The following INSRR variants were observed in gnomAD, a reference collection of about 807,000 sequenced individuals.
The protein encoded by INSRR is insulin receptor-related protein.
Under a neutral mutation model 130.0 loss-of-function variants are expected in INSRR, and 114 were observed. The observed-to-expected ratio is 0.88, with a 90% CI of 0.75 to 1.02. INSRR has a LOEUF of 1.02. Ranked by LOEUF, INSRR falls within the 50% of genes least tolerant of loss-of-function variation. INSRR has a pLI of 0.00. For missense variants in INSRR, 1,657 were observed against 1,735.2 expected (o/e 0.95, Z 0.80); for synonymous variants, 674 against 705.2 (o/e 0.96, Z 0.70).
intron 5 of INSRR, among the ~76,000 whole-genome samples, chr1:156,850,846 C>G (rs754333668): frequency 6.6e-6 from 1 of 152,152 alleles, no homozygotes; most frequent in Non-Finnish European, 1.5e-5. Context: ...TGTGAGCCAC[C>G]GTGCCTGGCT....
In INSRR at chr1:156,844,600, G is replaced by A. The variant is rs747426217; in HGVS notation, c.2599C>T (p.Arg867Cys). The A allele has an allele frequency of 1.9e-6, 3 of 1,614,186 alleles. No homozygotes were observed. The highest frequency in any genetic ancestry group is 1.3e-5 in the African/African-American group (1 of 75,054). ...GEEATVLCVS[R>C]LRYAKFGGVH... ...CCCCCAAACTTCGCATATCGAAGACGGGACACACACAGCACTGTGGCCTCC... is the reference window on the plus strand; with the variant it reads ...CCCCCAAACTTCGCATATCGAAGACAGGACACACACAGCACTGTGGCCTCC... Residue 867 changes from arginine (R) to cysteine (C), a missense_variant, in exon 14 of 22, where the codon CGT becomes TGT. Transcript: ENST00000368195.
intron 12 of INSRR, 51 bp downstream of exon 12, chr1:156,845,025 G>A: frequency 6.4e-7 from 1 of 1,558,472 alleles, no homozygotes; most frequent in Non-Finnish European, 8.7e-7. Flanking sequence ...CTTTGCACAG[G>A]GTCCTTGGGG....
At position 156,849,256 on chromosome 1, in the gene INSRR, G is replaced by A; in HGVS notation, c.1434C>T (p.Asp478=). The A allele has an allele frequency of 6.2e-7, 1 of 1,613,846 alleles. No homozygotes were observed. The highest frequency in any genetic ancestry group is 8.5e-7 in the Non-Finnish European group (1 of 1,180,014). The part of the protein sequence containing the change: ...KAEINPRTNG[D]RAACQTRTLR... ...GGGTTGGGGTCTCACAGGCGGCGCG[G>A]TCTCCGTTGGTGCGGGGGTTGATCT... The change falls in exon 6 of 22, where the codon GAC becomes GAT. Residue 478 remains aspartate (D), a synonymous_variant. Transcript: ENST00000368195.
At chr1:156,844,955 G>A (rs1286680490) in intron 12 of INSRR, 112 bp from the exon 13 acceptor site, 34 of 1,551,182 alleles carry the variant, frequency 2.2e-5, no homozygotes, top group Non-Finnish European at 3.0e-5. Flanking sequence ...TGGGATTATG[G>A]GAACTGAGAG....
chr1:156,841,049 T>A lies in INSRR; in HGVS notation c.3718A>T (p.Thr1240Ser). The A allele has an allele frequency of 6.3e-7, 1 of 1,593,104 alleles. No individual in the cohort carries two copies. The highest frequency in any genetic ancestry group is 8.6e-7 in the Non-Finnish European group (1 of 1,169,264). ...QPNPRLRPSF[T>S]HILDSIQEEL... ...TCCTGTATGCTGTCCAGAATGTGTGTGAAAGATGGGCGCAGGCGTGGGTTC... is the reference window on the plus strand; with the variant it reads ...TCCTGTATGCTGTCCAGAATGTGTGAGAAAGATGGGCGCAGGCGTGGGTTC... Residue 1240 changes from threonine (T) to serine (S), a missense_variant, in exon 22 of 22, where the codon ACA (threonine) becomes TCA (serine). By Grantham distance (58) the Thr-to-Ser change is moderately conservative (BLOSUM62 1). Coordinates refer to ENST00000368195, the MANE Select transcript of INSRR (RefSeq NM_014215.3).
At position 156,843,210 on chromosome 1, in the gene INSRR, C is replaced by G. The variant is rs1457513458; in HGVS notation, c.2920G>C (p.Val974Leu). ...ATTATCGAGATCTGCTCCCGAGGCA[C>G]CTCCCATTCATCAGGGACATACACT... is the stretch of plus-strand genomic sequence containing the variant. The part of the protein sequence containing the change: ...SDMYVPDEWE[V>L]PREQISIIRE... Residue 974 changes from valine to leucine, a missense_variant, in exon 17 of 22, where the codon GTG (valine) becomes CTG (leucine). Physicochemically the swap from Val to Leu is conservative, Grantham distance 32. Transcript: ENST00000368195. The G allele has an allele frequency of 6.2e-7, 1 of 1,614,112 alleles. No individual in the cohort carries two copies. The highest frequency in any genetic ancestry group is 1.7e-5 in the Admixed American group (1 of 60,020).
At chr1:156,845,865 T>C in intron 9 of INSRR, 51 bp from the exon 10 acceptor site, 1 of 1,602,084 alleles carries the variant, frequency 6.2e-7, no homozygotes, top group East Asian at 2.3e-5. Flanking sequence ...TACCCGCCTC[T>C]GATCCCCCCC....
rs1337171168 is a variant in INSRR, at chr1:156,845,322, G to A, written c.2217-26C>T. On this transcript the variant is annotated intron_variant, in intron 11 of 21. Transcript: ENST00000368195. Reference sequence around the variant, plus strand: ...CTGGGGAGAGCGAGTCAGAGCCAAGGCCCAGCCCCCAAAGCCACGCCCCTC... The same window carrying A: ...CTGGGGAGAGCGAGTCAGAGCCAAGACCCAGCCCCCAAAGCCACGCCCCTC... 1.9e-6 allele frequency: 3 copies of A among 1,610,278 alleles called. No individual in the cohort carries two copies. In the African/African-American group the frequency reaches 4.0e-5, roughly 22 times the overall value.
rs1176737097 is a variant in INSRR at position 156,851,771 on chromosome 1, C to T, written c.959G>A (p.Cys320Tyr). Reference protein sequence around the residue: ...RNSSSIFCHKCEGLCPKECKV... With the variant: ...RNSSSIFCHKYEGLCPKECKV... The stretch of plus-strand genomic sequence containing the variant: ...GCACTCTTTAGGGCACAGCCCCTCG[C>T]ACTTGTGGCAGAATATGCTAGCAGG... The change falls in exon 4 of 22, where the codon TGC becomes TAC. Residue 320 changes from cysteine to tyrosine, a missense_variant. Cys to Tyr is a radical substitution (Grantham distance 194). Coordinates refer to ENST00000368195, the MANE Select transcript of INSRR (RefSeq NM_014215.3). 6.2e-7 allele frequency: 1 copy of T among 1,610,536 alleles called. No individual in the cohort carries two copies. Among genetic ancestry groups the T allele is most frequent in the Non-Finnish European group, 8.5e-7 (1 of 1,177,256 alleles).
In INSRR at chr1:156,846,129, C is replaced by G. The variant is rs12064115; in HGVS notation, c.1811-10G>C. 4 of 1,576,604 alleles carry G rather than the reference C, an allele frequency of 2.5e-6. No homozygotes were observed. The East Asian group carries it at 9.0e-5, about 35-fold the overall frequency. On this transcript the variant is annotated splice_polypyrimidine_tract_variant and intron_variant, in intron 8 of 21. Transcript: ENST00000368195. ...TGGGGCACCGTGGGAGCTAGGAGTG[C>G]GAGAAGGATGCAACTCAGGGGTGTG... is the stretch of plus-strand genomic sequence containing the variant.
At position 156,840,731 on chromosome 1, in the gene INSRR, T is replaced by TCCCTGCTCCTGTTCTCTGC. The variant is rs1201755348; in HGVS notation, c.*123_*141dup. On this transcript the variant is annotated 3_prime_UTR_variant, in exon 22 of 22. Transcript: ENST00000368195. ...ACCCCTCTGCCCACCCCCACAGCCT[T>TCCCTGCTCCTGTTCTCTGC]CCCTGCTCCTGTTCTCTGCCCCACC... 1 of 679,994 alleles carries TCCCTGCTCCTGTTCTCTGC rather than the reference T, an allele frequency of 1.5e-6. No individual in the cohort carries two copies. The highest frequency in any genetic ancestry group is 2.6e-6 in the Non-Finnish European group (1 of 384,930). The allele number at this position is 679,994 out of a possible 1,614,324, so 42.1% of individuals were successfully genotyped here.
At chr1:156,846,802 T>C in intron 7 of INSRR, 45 bp from the exon 8 acceptor site, 1 of 1,503,722 alleles carries the variant, frequency 6.7e-7, no homozygotes, top group Non-Finnish European at 9.2e-7. Flanking sequence ...AACCCCACCC[T>C]CAAGTTCTGG....
chr1:156,846,063 C>T lies in INSRR; in HGVS notation c.1867G>A (p.Val623Met). 1 of 1,612,630 alleles carries T rather than the reference C, an allele frequency of 6.2e-7. No homozygotes were observed. Among genetic ancestry groups the T allele is most frequent in the Non-Finnish European group, 8.5e-7 (1 of 1,179,178 alleles). The change falls in exon 9 of 22, where the codon GTG (valine) becomes ATG (methionine). Residue 623 changes from valine (V) to methionine (M), a missense_variant. Val to Met is a conservative substitution (Grantham distance 21). Coordinates refer to ENST00000368195, the MANE Select transcript of INSRR (RefSeq NM_014215.3). ...STSNSSSHLL[V>M]RWKPPTQRNG... ...CGCTGGGTCGGTGGCTTCCAGCGCACCAGGAGGTGGGAGGAGGAGTTGGAC... is the reference window on the plus strand; with the variant it reads ...CGCTGGGTCGGTGGCTTCCAGCGCATCAGGAGGTGGGAGGAGGAGTTGGAC...
At chr1:156,847,970 G>C (rs2102861754) in intron 7 of INSRR, among the ~76,000 whole-genome samples, 1 of 152,296 alleles carries the variant, frequency 6.6e-6, no homozygotes, top group African/African-American at 2.4e-5. Flanking sequence ...GCTCCTTAGA[G>C]TGCAGTCCAC....
chr1:156,851,035 G>A, intron 5 of INSRR: 1 of 517,910 alleles, frequency 1.9e-6, no homozygotes, highest in South Asian at 2.0e-5. Flanking sequence ...TATATACTGT[G>A]TTCCAGGCAT....
chr1:156,844,277 T>C lies in INSRR; in HGVS notation c.2741A>G (p.Glu914Gly). The C allele has an allele frequency of 6.2e-7, 1 of 1,611,760 alleles. No homozygotes were observed. Among genetic ancestry groups the C allele is most frequent in the South Asian group, 1.1e-5 (1 of 90,974 alleles). The change falls in exon 15 of 22, where the codon GAG (glutamate) becomes GGG (glycine). Residue 914 changes from glutamate (E) to glycine (G), a missense_variant. Transcript: ENST00000368195. ...GACATGCAGCCCCCCAGCATCCTCC[T>C]CCTCTGGCAGTCAGAGGGCAGCAGA... ...SVAFYILGPE[E>G]EDAGGLHVLL... is the part of the protein sequence containing the mutation.
chr1:156,854,170 G>T lies in INSRR; in HGVS notation c.219C>A (p.Phe73Leu). 6.2e-7 allele frequency: 1 copy of T among 1,614,154 alleles called. No homozygotes were observed. The highest frequency in any genetic ancestry group is 8.5e-7 in the Non-Finnish European group (1 of 1,180,028). The stretch of plus-strand genomic sequence containing the variant: ...AGTCGGTGACCTGGGTGAGGCGAGG[G>T]AAGCTGAGGCCGCGGAAGTCCTCCC... ...ATGEDFRGLS[F>L]PRLTQVTDYL... Residue 73 changes from phenylalanine to leucine, a missense_variant, in exon 2 of 22, where the codon TTC (phenylalanine) becomes TTA (leucine). Transcript: ENST00000368195. The surrounding 1 kb of genome is among the most constrained non-coding windows in gnomAD (Gnocchi z 4.2).
rs1170187166 is a variant in INSRR at position 156,845,443 on chromosome 1, C to T, written c.2175-30G>A. 4 of 1,531,148 alleles carry T rather than the reference C, an allele frequency of 2.6e-6. No homozygotes were observed. In the East Asian group the frequency reaches 9.0e-5, roughly 35 times the overall value. The allele number at this position is 1,531,148 out of a possible 1,614,324, so 94.8% of individuals were successfully genotyped here. On this transcript the variant is annotated intron_variant, in intron 10 of 21. Transcript: ENST00000368195. ...GGAGGCCAGGAGTAGCCCTATCAGG[C>T]CTGTCCGGATGCACCCCTGTGCCCT...
Position 156,852,590 on chromosome 1 carries a change from G to A in INSRR, c.638-399C>T, listed in dbSNP as rs148076939. Among the ~76,000 whole-genome samples the A allele has an allele frequency of 7.1e-3, 1,078 of 152,320 alleles. 11 individuals are homozygous for A. The highest frequency in any genetic ancestry group is 0.025 in the African/African-American group (1,031 of 41,568). On this transcript the variant is annotated intron_variant, in intron 2 of 21. Coordinates refer to ENST00000368195, the MANE Select transcript of INSRR (RefSeq NM_014215.3). ...TAGGCCCAGGGGCCTGGGAGTGTGT[G>A]CAGGGAGGGGCCGACATCTGTCGTT... is the stretch of plus-strand genomic sequence containing the variant.
Sources: gnomAD v4.1 joint callset for allele counts (sites outside exome capture counted in the v4.1 genomes callset) on GRCh38, gnomAD v4.1.1 for gene constraint, Gnocchi (gnomAD v3.1) non-coding constraint, MANE v1.5 for transcripts, NCBI Gene and HGNC (gene_info 2026-07-23, HGNC 2026-07-21) for gene names.